The following PLCH1 variants were observed in gnomAD, a reference collection of about 807,000 sequenced individuals.
PLCH1 encodes the protein phospholipase C eta 1.
PLCH1 carries 60 observed loss-of-function variants against 126.7 expected under a neutral mutation model. The observed-to-expected ratio is 0.47, with a 90% CI of 0.38 to 0.59. PLCH1 has a LOEUF of 0.59. Ranked by LOEUF, PLCH1 falls within the 20% of genes least tolerant of loss-of-function variation. The probability of loss-of-function intolerance (pLI) is 0.00; values close to 1 mark genes in which losing one functional copy is unlikely to be tolerated. For missense variants in PLCH1, 1,723 were observed against 2,040.0 expected (o/e 0.84, Z 2.99); for synonymous variants, 719 against 734.9 (o/e 0.98, Z 0.35).
intron 2 of PLCH1, among the ~76,000 whole-genome samples, chr3:155,659,395 A>G (rs1313961973): frequency 7.7e-6 from 1 of 129,746 alleles, no homozygotes; most frequent in Non-Finnish European, 1.5e-5. Context: ...TGGCATGATC[A>G]CGGCTCACTG....
At chr3:155,616,060 C>T (rs1735763166) in intron 2 of PLCH1, among the ~76,000 whole-genome samples, 1 of 152,088 alleles carries the variant, frequency 6.6e-6, no homozygotes, top group African/African-American at 2.4e-5. Flanking sequence ...CTAGGTAAGG[C>T]CTAGAGACAT....
chr3:155,497,149 C>CA (rs1196053731), intron 15 of PLCH1, among the ~76,000 whole-genome samples, 171 bp downstream of exon 15: 1 of 152,206 alleles, frequency 6.6e-6, no homozygotes, highest in African/African-American at 2.4e-5. Flanking sequence ...TAGAACCCTC[C>CA]ATGTGAACTC....
At chr3:155,637,574 C>A (rs1375956756) in intron 2 of PLCH1, among the ~76,000 whole-genome samples, 1 of 152,174 alleles carries the variant, frequency 6.6e-6, no homozygotes, top group Non-Finnish European at 1.5e-5. Flanking sequence ...AGCACTTTTG[C>A]CCTTTTGCTA....
At chr3:155,623,871 A>G (rs1284337596) in intron 2 of PLCH1, among the ~76,000 whole-genome samples, 1 of 152,238 alleles carries the variant, frequency 6.6e-6, no homozygotes, top group Non-Finnish European at 1.5e-5. Flanking sequence ...AACAATAGAA[A>G]AAGAGCGAAT....
intron 1 of PLCH1, among the ~76,000 whole-genome samples, chr3:155,726,025 G>A (rs1490984136): frequency 6.6e-6 from 1 of 152,068 alleles, no homozygotes; most frequent in East Asian, 1.9e-4. Context: ...GCTTATCGAA[G>A]TCTCAATAAT....
intron 2 of PLCH1, among the ~76,000 whole-genome samples, chr3:155,606,201 A>T (rs1734338376): frequency 6.6e-6 from 1 of 151,962 alleles, no homozygotes; most frequent in African/African-American, 2.4e-5. Context: ...CAGTCCATTG[A>T]ATTGTTTCTC....
intron 5 of PLCH1, 53 bp from the exon 6 acceptor site, chr3:155,583,695 T>C: frequency 8.0e-7 from 1 of 1,255,802 alleles, no homozygotes; most frequent in Non-Finnish European, 1.1e-6. Context: ...AATAGGAAAT[T>C]CAGTACTGGG....
chr3:155,610,066 A>G (rs749408069), intron 2 of PLCH1, among the ~76,000 whole-genome samples: 2 of 152,138 alleles, frequency 1.3e-5, no homozygotes, highest in Non-Finnish European at 2.9e-5. Flanking sequence ...TTAACTGCAA[A>G]AAGACCATCA....
intron 11 of PLCH1, among the ~76,000 whole-genome samples, chr3:155,517,345 T>A (rs11925864): frequency 0.094 from 14,365 of 152,150 alleles, 1,376 homozygotes; most frequent in African/African-American, 0.25. Context: ...TGTGACCAAT[T>A]TAACAAATTG....
intron 2 of PLCH1, among the ~76,000 whole-genome samples, chr3:155,689,972 A>G (rs1745248469): frequency 1.3e-5 from 2 of 152,062 alleles, no homozygotes. Context: ...ACTATCTCAA[A>G]GCATTTAATA....
chr3:155,600,649 T>C (rs1387597619), intron 2 of PLCH1, among the ~76,000 whole-genome samples: 1 of 151,600 alleles, frequency 6.6e-6, no homozygotes, highest in East Asian at 1.9e-4. Flanking sequence ...CAGCAACATC[T>C]ACCAGCCCAT....
At chr3:155,631,760 A>C (rs1286075000) in intron 2 of PLCH1, among the ~76,000 whole-genome samples, 1 of 152,234 alleles carries the variant, frequency 6.6e-6, no homozygotes, top group Non-Finnish European at 1.5e-5. Flanking sequence ...ATCTCAAAGA[A>C]ACATTTGCTC....
At position 155,483,069 on chromosome 3, in the gene PLCH1, T is replaced by A. The variant is rs754441835; in HGVS notation, c.2975-18A>T. 5.8e-5 allele frequency: 93 copies of A among 1,603,396 alleles called. No homozygotes were observed. Among genetic ancestry groups the A allele is most frequent in the Middle Eastern group, 5.3e-4 (3 of 5,658 alleles). ...ATCTTCTGCTGAAGGAGACAAACAA[T>A]ATTTTAGGTGACATCTATCACTTTA... On this transcript the variant is annotated intron_variant, in intron 22 of 22. Coordinates refer to ENST00000460012, the MANE Select transcript of PLCH1 (RefSeq NM_014996.4).
At chr3:155,472,049 C>T (rs1713282037) in intron 21 of PLCH1, among the ~76,000 whole-genome samples, 1 of 152,076 alleles carries the variant, frequency 6.6e-6, no homozygotes, top group South Asian at 2.1e-4. Context: ...CATTCAAAAG[C>T]TAGCAGAAGG....
At chr3:155,650,273 A>G (rs1400651932) in intron 2 of PLCH1, among the ~76,000 whole-genome samples, 1 of 152,252 alleles carries the variant, frequency 6.6e-6, no homozygotes, top group Non-Finnish European at 1.5e-5. Context: ...TAGTACACAC[A>G]GGAAAATACC....
chr3:155,517,600 G>A (rs2108260074), intron 11 of PLCH1, among the ~76,000 whole-genome samples: 1 of 152,192 alleles, frequency 6.6e-6, no homozygotes, highest in South Asian at 2.1e-4. Context: ...ATCTGTTTGT[G>A]TCTTCTCTTC....
At chr3:155,459,796 G>T (rs1712641918) in intron 21 of PLCH1, among the ~76,000 whole-genome samples, 1 of 152,190 alleles carries the variant, frequency 6.6e-6, no homozygotes, top group Non-Finnish European at 1.5e-5. Flanking sequence ...CATGGCCAGA[G>T]GGGCAGTGAA....
intron 2 of PLCH1, among the ~76,000 whole-genome samples, chr3:155,649,310 G>C (rs9854228): frequency 0.19 from 29,243 of 151,982 alleles, 3,262 homozygotes; most frequent in African/African-American, 0.31. Flanking sequence ...TTCCAGACTC[G>C]CCTCCACTAC....
intron 2 of PLCH1, among the ~76,000 whole-genome samples, chr3:155,657,290 G>A (rs551178447): frequency 2.0e-5 from 3 of 152,202 alleles, no homozygotes; most frequent in African/African-American, 2.4e-5. Flanking sequence ...TCAGCTTACT[G>A]CCTGGAGAGA....
Sources: gnomAD v4.1 joint callset for allele counts (sites outside exome capture counted in the v4.1 genomes callset) on GRCh38, gnomAD v4.1.1 for gene constraint, MANE v1.5 for transcripts, NCBI Gene and HGNC (gene_info 2026-07-23, HGNC 2026-07-21) for gene names.